FAM227B: variants seen among roughly 807,000 people sequenced by gnomAD.
FAM227B encodes the protein family with sequence similarity 227 member B, also known as protein FAM227B.
In FAM227B, 88 loss-of-function variants were observed where a neutral mutation model predicts 73.8. The ratio of observed to expected loss-of-function variants is 1.19; its 90% confidence interval spans 1.00 to 1.42. The LOEUF (loss-of-function observed/expected upper bound fraction) is 1.42. FAM227B is among the 40% of genes most tolerant of loss of function. The probability of loss-of-function intolerance (pLI) is 0.00; values close to 1 mark genes in which losing one functional copy is unlikely to be tolerated. For missense variants in FAM227B, 632 were observed against 590.9 expected, an observed-to-expected ratio of 1.07 and a Z score of -0.72; for synonymous variants, 210 against 190.5, an observed-to-expected ratio of 1.10 and a Z score of -0.84.
intron 13 of FAM227B, among the ~76,000 whole-genome samples, chr15:49,345,903 T>A (rs187423101): frequency 2.0e-5 from 3 of 152,176 alleles, no homozygotes; most frequent in Non-Finnish European, 4.4e-5. Flanking sequence ...CTTTGAGAGA[T>A]TGAGTGTGTG....
rs1403964920 is a variant in FAM227B, at chr15:49,416,099, A to G, written c.1013-44700T>C. ...TCACTACTTTTTCCATTTTTCATTCATATTAGCCTTCATTCAGTTCTTGGA... is the reference window on the plus strand; with the variant it reads ...TCACTACTTTTTCCATTTTTCATTCGTATTAGCCTTCATTCAGTTCTTGGA... On this transcript the variant is annotated intron_variant, in intron 11 of 15. Coordinates refer to ENST00000299338, the MANE Select transcript of FAM227B (RefSeq NM_152647.3). Among the ~76,000 whole-genome samples the G allele has an allele frequency of 2.0e-5, 3 of 150,430 alleles. No homozygotes were observed. The East Asian group carries it at 5.9e-4, about 30-fold the overall frequency.
intron 11 of FAM227B, among the ~76,000 whole-genome samples, chr15:49,497,391 T>A (rs1428553489): frequency 1.1e-4 from 17 of 152,102 alleles, no homozygotes; most frequent in Admixed American, 1.1e-3. Context: ...ACAAGCAGGA[T>A]ATGGAAGCTC....
chr15:49,447,877 T>C (rs1285315933), intron 11 of FAM227B, among the ~76,000 whole-genome samples: 1 of 151,688 alleles, frequency 6.6e-6, no homozygotes, highest in African/African-American at 2.4e-5. Context: ...GGTTTGACTT[T>C]TGTTTTTCAT....
chr15:49,562,197 A>G (rs1385815631), intron 9 of FAM227B, among the ~76,000 whole-genome samples: 1 of 152,092 alleles, frequency 6.6e-6, no homozygotes, highest in Non-Finnish European at 1.5e-5. Context: ...AATACAATAG[A>G]TTCTCAGAGA....
intron 3 of FAM227B, among the ~76,000 whole-genome samples, chr15:49,601,566 A>G (rs558488370): frequency 6.6e-6 from 1 of 152,202 alleles, no homozygotes; most frequent in Non-Finnish European, 1.5e-5. Context: ...TGATATAGGC[A>G]TGCAATGCAT....
chr15:49,536,802 A>G (rs1283509610), intron 10 of FAM227B, among the ~76,000 whole-genome samples: 3 of 152,064 alleles, frequency 2.0e-5, no homozygotes, highest in Admixed American at 2.0e-4. Flanking sequence ...GGGCACCAAA[A>G]GAACACAATG....
intron 10 of FAM227B, among the ~76,000 whole-genome samples, chr15:49,531,512 T>C (rs1355211749): frequency 2.6e-5 from 4 of 151,992 alleles, no homozygotes; most frequent in East Asian, 1.9e-4. Flanking sequence ...TTTCTGAATA[T>C]AAAAACACAA....
At chr15:49,485,683 C>A (rs1004767045) in intron 11 of FAM227B, 3 of 152,324 alleles carry the variant, frequency 2.0e-5, no homozygotes, top group Non-Finnish European at 2.9e-5. Context: ...CAGAACAATA[C>A]AAATATGTAA....
chr15:49,356,424 G>T (rs1180830795), intron 13 of FAM227B, among the ~76,000 whole-genome samples: 3 of 150,372 alleles, frequency 2.0e-5, no homozygotes, highest in Non-Finnish European at 4.4e-5. Context: ...AAAAGGCAGG[G>T]GTTGCAATCC....
In FAM227B at chr15:49,328,165, TGTAAAA is replaced by T; in HGVS notation, c.*397_*402del. On this transcript the variant is annotated 3_prime_UTR_variant, in exon 16 of 16. Coordinates refer to ENST00000299338, the MANE Select transcript of FAM227B (RefSeq NM_152647.3). ...TGGTTTTGCTTGAGGCCTGAAAAAA[TGTAAAA>T]AGTCTGAGAGAAACTACTTAGGGCA... 6.2e-7 allele frequency: 1 copy of T among 1,611,058 alleles called. No individual in the cohort carries two copies. The highest frequency in any genetic ancestry group is 8.5e-7 in the Non-Finnish European group (1 of 1,178,482).
At chr15:49,564,826 T>C (rs2074517635) in intron 9 of FAM227B, among the ~76,000 whole-genome samples, 1 of 151,652 alleles carries the variant, frequency 6.6e-6, no homozygotes, top group African/African-American at 2.4e-5. Context: ...CAATAGACAC[T>C]GGGGACTACT....
At chr15:49,549,035 T>G (rs946365312) in intron 9 of FAM227B, among the ~76,000 whole-genome samples, 1 of 152,248 alleles carries the variant, frequency 6.6e-6, no homozygotes, top group African/African-American at 2.4e-5. Flanking sequence ...TTTATTTTCT[T>G]CTCCTAATTT....
chr15:49,510,387 T>G (rs958579626), intron 10 of FAM227B, among the ~76,000 whole-genome samples: 14 of 152,084 alleles, frequency 9.2e-5, no homozygotes, highest in African/African-American at 3.4e-4. Context: ...TTAAGAAAAT[T>G]TTTTTATCTG....
chr15:49,466,825 C>G (rs1049501118), intron 11 of FAM227B, among the ~76,000 whole-genome samples: 5 of 152,104 alleles, frequency 3.3e-5, no homozygotes, highest in African/African-American at 7.2e-5. Flanking sequence ...TAAGTAAACT[C>G]AGATGTTTTT....
At chr15:49,369,182 C>T (rs1022020253) in intron 12 of FAM227B, among the ~76,000 whole-genome samples, 2 of 152,006 alleles carry the variant, frequency 1.3e-5, no homozygotes, top group African/African-American at 4.8e-5. Context: ...TGGTTTTGAT[C>T]TCCTGACCTC....
intron 10 of FAM227B, among the ~76,000 whole-genome samples, chr15:49,528,903 G>A (rs1676994493): frequency 6.6e-6 from 1 of 151,498 alleles, no homozygotes; most frequent in Admixed American, 6.6e-5. Context: ...ACTCCTATGG[G>A]AAAAAGCATG....
At chr15:49,534,381 C>G (rs191935100) in intron 10 of FAM227B, among the ~76,000 whole-genome samples, 1 of 151,760 alleles carries the variant, frequency 6.6e-6, no homozygotes, top group Non-Finnish European at 1.5e-5. Context: ...GGACAAATAA[C>G]ATTATTTTTT....
At chr15:49,383,808 T>C (rs1029184599) in intron 11 of FAM227B, among the ~76,000 whole-genome samples, 5 of 152,106 alleles carry the variant, frequency 3.3e-5, no homozygotes, top group Non-Finnish European at 7.4e-5. Flanking sequence ...GATATGCTAT[T>C]TAAAGACAAA....
chr15:49,329,806 T>TC, intron 15 of FAM227B: 1 of 729,316 alleles, frequency 1.4e-6, no homozygotes, highest in Non-Finnish European at 1.6e-6. Flanking sequence ...TGGATCAGTG[T>TC]AAAAAAAAAA....
Sources: gnomAD v4.1 joint callset for allele counts (sites outside exome capture counted in the v4.1 genomes callset) on GRCh38, gnomAD v4.1.1 for gene constraint, MANE v1.5 for transcripts, NCBI Gene and HGNC (gene_info 2026-07-23, HGNC 2026-07-21) for gene names.